TENM2: variants seen among roughly 807,000 people sequenced by gnomAD.
TENM2 encodes teneurin-2.
A neutral mutation model predicts 245.2 loss-of-function variants in TENM2; 52 were observed. The ratio of observed to expected loss-of-function variants is 0.21; its 90% CI spans 0.17 to 0.27. The LOEUF is 0.27. Among genes scored for constraint, TENM2 ranks in the 10% least tolerant of loss-of-function variants. TENM2 has a pLI of 1.00. For synonymous variants in TENM2, 1,363 were observed against 1,438.9 expected (o/e 0.95, Z 1.19); for missense variants, 3,046 against 3,666.8 (o/e 0.83, Z 4.37).
chr5:168,112,083 A>G (rs1205066869), intron 9 of TENM2, among the ~76,000 whole-genome samples: 1 of 152,188 alleles, frequency 6.6e-6, no homozygotes, highest in East Asian at 1.9e-4. Flanking sequence ...TTTATAATCA[A>G]ATCTGATCCT....
intron 2 of TENM2, among the ~76,000 whole-genome samples, chr5:167,516,771 T>A (rs955228704): frequency 4.6e-5 from 7 of 152,164 alleles, no homozygotes; most frequent in Non-Finnish European, 1.0e-4. Context: ...CCAGTCAGAG[T>A]TCTGTGCTTG....
intron 2 of TENM2, among the ~76,000 whole-genome samples, chr5:167,476,264 A>G (rs1767366531): frequency 6.6e-6 from 1 of 152,204 alleles, no homozygotes; most frequent in Non-Finnish European, 1.5e-5. Flanking sequence ...TTGAAATCAT[A>G]TCAATGAACT....
chr5:167,139,870 A>G, the TENM2 span, among the ~76,000 whole-genome samples: 1 of 152,252 alleles, frequency 6.6e-6, no homozygotes, highest in African/African-American at 2.4e-5. Flanking sequence ...TGTGCCGTAC[A>G]TGCTTCATGA....
chr5:167,534,646 G>T (rs1369067548), intron 2 of TENM2, among the ~76,000 whole-genome samples: 1 of 152,152 alleles, frequency 6.6e-6, no homozygotes, highest in Non-Finnish European at 1.5e-5. Context: ...TGGTATCTGA[G>T]CAATGGAGTG....
chr5:167,036,055 A>G, the TENM2 span, among the ~76,000 whole-genome samples: 2 of 152,154 alleles, frequency 1.3e-5, no homozygotes, highest in South Asian at 2.1e-4. Context: ...ATAATAGGAT[A>G]GTGGCAAGTC....
At chr5:168,177,226 G>T (rs1333552599) in intron 13 of TENM2, among the ~76,000 whole-genome samples, 1 of 152,222 alleles carries the variant, frequency 6.6e-6, no homozygotes, top group Non-Finnish European at 1.5e-5. Flanking sequence ...CCCAACCTTA[G>T]TCAAGTAACT....
chr5:167,441,080 T>C (rs1764854113), intron 2 of TENM2, among the ~76,000 whole-genome samples: 1 of 152,158 alleles, frequency 6.6e-6, no homozygotes, highest in African/African-American at 2.4e-5. Flanking sequence ...GAGAGCAGGC[T>C]GCGTTGAAAA....
intron 2 of TENM2, among the ~76,000 whole-genome samples, chr5:167,859,385 G>A (rs1462296383): frequency 1.8e-4 from 26 of 147,778 alleles, no homozygotes; most frequent in African/African-American, 3.2e-4. Flanking sequence ...AGGTGGGGGG[G>A]GTCAGCCCCC....
chr5:167,412,325 T>A (rs866240620), intron 2 of TENM2, among the ~76,000 whole-genome samples: 3 of 151,976 alleles, frequency 2.0e-5, no homozygotes, highest in African/African-American at 7.2e-5. Flanking sequence ...TTGTTAGATA[T>A]GGAAATTCTT....
At chr5:167,646,206 T>TATATATATATATGTTGTTTTC (rs1779947787) in intron 2 of TENM2, among the ~76,000 whole-genome samples, 1 of 123,160 alleles carries the variant, frequency 8.1e-6, no homozygotes, top group African/African-American at 4.6e-5. Flanking sequence ...TTTTCATATA[T>TATATATATATATGTTGTTTTC]ATATATATAT....
intron 2 of TENM2, among the ~76,000 whole-genome samples, chr5:167,585,174 C>T (rs555829425): frequency 7.2e-5 from 11 of 152,156 alleles, no homozygotes; most frequent in Non-Finnish European, 1.3e-4. Context: ...CTCTATTTTC[C>T]ACCCTGAAGT....
intron 7 of TENM2, among the ~76,000 whole-genome samples, chr5:168,089,090 A>T (rs890683678): frequency 6.6e-6 from 1 of 152,216 alleles, no homozygotes; most frequent in Non-Finnish European, 1.5e-5. Flanking sequence ...AGATTAGTCC[A>T]GTTCTACTGG....
chr5:167,350,358 G>A (rs1351903680), intron 1 of TENM2, among the ~76,000 whole-genome samples: 1 of 151,046 alleles, frequency 6.6e-6, no homozygotes, highest in Non-Finnish European at 1.5e-5. Context: ...AATACTTTCT[G>A]CATCATTTGG....
At chr5:167,286,534 G>T (rs1181294736) in intron 1 of TENM2, among the ~76,000 whole-genome samples, 1 of 152,146 alleles carries the variant, frequency 6.6e-6, no homozygotes, top group Non-Finnish European at 1.5e-5. Context: ...ATAAAATTGG[G>T]ACACCTCTCT....
the TENM2 span, among the ~76,000 whole-genome samples, chr5:167,172,518 T>C: frequency 6.6e-6 from 1 of 152,276 alleles, no homozygotes; most frequent in South Asian, 2.1e-4. Context: ...TCTTGACTAG[T>C]CTTGATGTTA....
At chr5:167,895,056 G>A (rs979837769) in intron 3 of TENM2, among the ~76,000 whole-genome samples, 5 of 151,936 alleles carry the variant, frequency 3.3e-5, no homozygotes, top group Non-Finnish European at 7.4e-5. Flanking sequence ...ACTTAGAAAA[G>A]ACTGAATTAA....
chr5:166,983,579 A>G, the TENM2 span, among the ~76,000 whole-genome samples: 3 of 152,146 alleles, frequency 2.0e-5, no homozygotes, highest in African/African-American at 7.2e-5. Context: ...TAGAATCTAT[A>G]TTCCCCATAA....
At chr5:167,068,348 C>T in the TENM2 span, among the ~76,000 whole-genome samples, 1 of 152,100 alleles carries the variant, frequency 6.6e-6, no homozygotes, top group African/African-American at 2.4e-5. Context: ...CCACCAGTAT[C>T]GCCTGGGAAA....
At chr5:167,097,788 G>A in the TENM2 span, among the ~76,000 whole-genome samples, 26 of 152,150 alleles carry the variant, frequency 1.7e-4, no homozygotes, top group Non-Finnish European at 3.1e-4. Context: ...TTCGTGGTAT[G>A]TGTTTTTATT....
Sources: allele counts gnomAD v4.1 joint callset (sites outside exome capture counted in the v4.1 genomes callset), GRCh38; gene constraint gnomAD v4.1.1; transcripts MANE v1.5; gene names NCBI Gene and HGNC (gene_info 2026-07-23, HGNC 2026-07-21).